The following DGKI variants were observed in gnomAD, a reference collection of about 807,000 sequenced individuals.
DGKI encodes diacylglycerol kinase iota.
Under a neutral mutation model 147.5 loss-of-function variants are expected in DGKI, and 55 were observed. The observed-to-expected ratio is 0.37, with a 90% CI of 0.30 to 0.47. The LOEUF (loss-of-function observed/expected upper bound fraction) is 0.47, where lower values mean the gene tolerates loss of function less well. Among genes scored for constraint, DGKI ranks in the 20% least tolerant of loss-of-function variants. The pLI, the probability that DGKI is intolerant of heterozygous loss-of-function variation, is 1.00. For missense variants in DGKI, 1,007 were observed against 1,323.8 expected (o/e 0.76, Z 3.71); for synonymous variants, 469 against 477.1 (o/e 0.98, Z 0.22).
intron 28 of DGKI, among the ~76,000 whole-genome samples, chr7:137,438,098 C>G (rs916633913): frequency 6.6e-6 from 1 of 151,980 alleles, no homozygotes; most frequent in African/African-American, 2.4e-5. Flanking sequence ...TAAAGAATAT[C>G]CATCTATTCA....
chr7:137,597,700 G>T, intron 12 of DGKI, 147 bp downstream of exon 12: 1 of 707,940 alleles, frequency 1.4e-6, no homozygotes. Flanking sequence ...AAAGTCCCTT[G>T]TTACTCTTAG....
At chr7:137,552,703 G>A (rs1818089404) in intron 19 of DGKI, 135 bp from the exon 20 acceptor site, 6 of 799,304 alleles carry the variant, frequency 7.5e-6, no homozygotes, top group Non-Finnish European at 1.2e-5. Flanking sequence ...GTGGTCAGGA[G>A]TTCCAGAGCA....
intron 28 of DGKI, among the ~76,000 whole-genome samples, chr7:137,437,123 C>G (rs1213480628): frequency 6.6e-6 from 1 of 152,134 alleles, no homozygotes; most frequent in Non-Finnish European, 1.5e-5. Flanking sequence ...ATCTCTGTTA[C>G]TAGTCAATAC....
At chr7:137,806,196 C>G (rs1475213738) in intron 1 of DGKI, among the ~76,000 whole-genome samples, 1 of 152,208 alleles carries the variant, frequency 6.6e-6, no homozygotes, top group Non-Finnish European at 1.5e-5. Context: ...ATCAGTGACT[C>G]TCACTGATCA....
rs376197249 is a variant in DGKI, at chr7:137,649,713, G to A, written c.739-4176C>T. 2.9e-4 allele frequency among the ~76,000 whole-genome samples: 43 copies of A among 150,522 alleles called. No homozygotes were observed. In the South Asian group the frequency reaches 7.8e-3, roughly 27 times the overall value. ...AATCACCACTAAAGAATTTAGTCAC[G>A]TAAGCAAATACCACCTGTTCCTCAA... On this transcript the variant is annotated intron_variant, in intron 5 of 32. Coordinates refer to ENST00000614521, the MANE Select transcript of DGKI (RefSeq NM_001321708.2).
Position 137,383,583 on chromosome 7 carries a change from T to C in DGKI, c.*7637A>G, listed in dbSNP as rs1811108995. ...CTCACAATTAAAGATATGCCTTTGA[T>C]CTCTGAGTTAGTTGTTCAATCTTCA... is the stretch of plus-strand genomic sequence containing the variant. On this transcript the variant is annotated 3_prime_UTR_variant, in exon 33 of 33. Transcript: ENST00000614521. 6.6e-6 allele frequency: 1 copy of C among 151,956 alleles called. No homozygotes were observed. The highest frequency in any genetic ancestry group is 1.5e-5 in the Non-Finnish European group (1 of 67,934). The allele number at this position is 151,956 out of a possible 1,614,324, so 9.4% of individuals were successfully genotyped here.
intron 2 of DGKI, 112 bp downstream of exon 2, chr7:137,689,782 G>T: frequency 1.5e-6 from 1 of 659,798 alleles, no homozygotes; most frequent in Non-Finnish European, 2.4e-6. Flanking sequence ...CAGGTCAGCA[G>T]GCAATGTTGA....
chr7:137,736,805 T>C (rs1163606085), intron 1 of DGKI, among the ~76,000 whole-genome samples: 1 of 152,124 alleles, frequency 6.6e-6, no homozygotes, highest in Non-Finnish European at 1.5e-5. Flanking sequence ...CAAGACCTTG[T>C]TGCAGGCCCT....
At chr7:137,580,545 A>C (rs544956281) in intron 15 of DGKI, among the ~76,000 whole-genome samples, 1 of 152,240 alleles carries the variant, frequency 6.6e-6, no homozygotes, top group South Asian at 2.1e-4. Flanking sequence ...CTCTTCAAAC[A>C]GCATCATTCC....
intron 8 of DGKI, among the ~76,000 whole-genome samples, chr7:137,611,802 G>A (rs1039095096): frequency 8.5e-5 from 13 of 152,074 alleles, no homozygotes; most frequent in African/African-American, 2.9e-4. Flanking sequence ...GTGTACACTC[G>A]AATCATTGTT....
In DGKI at chr7:137,383,610, T is replaced by A. The variant is rs879903596; in HGVS notation, c.*7610A>T. 3.3e-5 allele frequency: 5 copies of A among 151,974 alleles called. No individual in the cohort carries two copies. The highest frequency in any genetic ancestry group is 1.3e-4 in the Admixed American group (2 of 15,232). 9.4% of individuals were successfully genotyped at this position (151,974 alleles called of 1,614,324 possible). A position where few individuals can be genotyped will look rare whatever the true frequency, so the allele number is the denominator to read the frequency against. Reference sequence around the variant, plus strand: ...TCTGAGTTAGTTGTTCAATCTTCACTTAACTACTAGAAGAAACAGTGATAA... The same window carrying A: ...TCTGAGTTAGTTGTTCAATCTTCACATAACTACTAGAAGAAACAGTGATAA... On this transcript the variant is annotated 3_prime_UTR_variant, in exon 33 of 33. Transcript: ENST00000614521.
chr7:137,572,355 C>G (rs1434777904), intron 18 of DGKI, among the ~76,000 whole-genome samples: 20 of 152,172 alleles, frequency 1.3e-4, no homozygotes. Flanking sequence ...CATCTGGCAA[C>G]AATTTTGAAT....
intron 3 of DGKI, among the ~76,000 whole-genome samples, chr7:137,658,835 A>G (rs745713646): frequency 2.0e-5 from 3 of 152,242 alleles, no homozygotes; most frequent in Admixed American, 6.5e-5. Flanking sequence ...GCTATCTCTC[A>G]GCCTTCTGGA....
chr7:137,825,579 C>T (rs982077554), intron 1 of DGKI, among the ~76,000 whole-genome samples: 3 of 151,996 alleles, frequency 2.0e-5, no homozygotes, highest in Non-Finnish European at 4.4e-5. Flanking sequence ...ACATGAAAAA[C>T]GCCCATTTAC....
chr7:137,756,658 A>G (rs1028966664), intron 1 of DGKI, among the ~76,000 whole-genome samples: 3 of 152,204 alleles, frequency 2.0e-5, no homozygotes, highest in African/African-American at 7.2e-5. Context: ...TTAAAGAGCT[A>G]TTTAACTTCA....
intron 10 of DGKI, among the ~76,000 whole-genome samples, chr7:137,601,714 C>CT (rs1387921267): frequency 6.6e-6 from 1 of 152,180 alleles, no homozygotes; most frequent in East Asian, 1.9e-4. Flanking sequence ...TAATCCTTTT[C>CT]TTTTTTGCAG....
chr7:137,406,798 T>C (rs1811964793), intron 30 of DGKI, among the ~76,000 whole-genome samples: 1 of 152,094 alleles, frequency 6.6e-6, no homozygotes, highest in Admixed American at 6.5e-5. Context: ...AGCCTGCAAT[T>C]GCTTGAAAAC....
At chr7:137,402,083 C>G (rs1291152344) in intron 30 of DGKI, among the ~76,000 whole-genome samples, 1 of 152,158 alleles carries the variant, frequency 6.6e-6, no homozygotes, top group East Asian at 1.9e-4. Context: ...TGAGAGCTTA[C>G]TGTATAGGGT....
intron 21 of DGKI, among the ~76,000 whole-genome samples, chr7:137,517,282 AG>A (rs1197748204): frequency 1.5e-3 from 109 of 71,062 alleles, no homozygotes; most frequent in African/African-American, 4.3e-3. Flanking sequence ...GAAAAGAAAA[AG>A]AAAGAAAGAA....
Sources: allele counts gnomAD v4.1 joint callset (sites outside exome capture counted in the v4.1 genomes callset), GRCh38; gene constraint gnomAD v4.1.1; transcripts MANE v1.5; gene names NCBI Gene and HGNC (gene_info 2026-07-23, HGNC 2026-07-21).